VCF1: variants seen among roughly 807,000 people sequenced by gnomAD.
The protein encoded by VCF1 is protein VCF1.
At chr17:73,228,845 G>A in the VCF1 span, among the ~76,000 whole-genome samples, 2 of 152,258 alleles carry the variant, frequency 1.3e-5, no homozygotes, top group East Asian at 1.9e-4. Flanking sequence ...GAGGCCAGTC[G>A]ACACCCAAAG....
At chr17:73,208,089 C>T in the VCF1 span, 1 of 1,433,350 alleles carries the variant, frequency 7.0e-7, no homozygotes, top group Admixed American at 2.5e-5. Context: ...TACCCTTTTC[C>T]CAAGACAGTC....
At chr17:73,220,886 T>G in the VCF1 span, among the ~76,000 whole-genome samples, 13 of 148,790 alleles carry the variant, frequency 8.7e-5, no homozygotes, top group Non-Finnish European at 1.8e-4. Flanking sequence ...GCTTTTTTTT[T>G]AATTTAGATT....
the VCF1 span, among the ~76,000 whole-genome samples, chr17:73,225,307 T>C: frequency 6.6e-6 from 1 of 152,100 alleles, no homozygotes; most frequent in Non-Finnish European, 1.5e-5. Flanking sequence ...GTGAGACCAA[T>C]GCACGGATTT....
chr17:73,221,247 T>G, the VCF1 span, among the ~76,000 whole-genome samples: 1 of 151,526 alleles, frequency 6.6e-6, no homozygotes, highest in Non-Finnish European at 1.5e-5. Flanking sequence ...GATACTGCTT[T>G]TATTTACTCA....
chr17:73,212,495 A>T, the VCF1 span, among the ~76,000 whole-genome samples: 1 of 100,410 alleles, frequency 1.0e-5, no homozygotes, highest in East Asian at 3.0e-4. Context: ...GAAGTCAGAT[A>T]GCAGGATTTG....
At chr17:73,211,575 A>G in the VCF1 span, among the ~76,000 whole-genome samples, 3 of 150,140 alleles carry the variant, frequency 2.0e-5, no homozygotes, top group Non-Finnish European at 4.4e-5. Context: ...CTCAAAAAAA[A>G]AAAAGGCCAG....
At chr17:73,223,204 C>G in the VCF1 span, among the ~76,000 whole-genome samples, 1 of 152,134 alleles carries the variant, frequency 6.6e-6, no homozygotes, top group Non-Finnish European at 1.5e-5. Context: ...GTAATCCCAG[C>G]TACTCGGGAG....
chr17:73,224,732 A>C, the VCF1 span, among the ~76,000 whole-genome samples: 1 of 152,178 alleles, frequency 6.6e-6, no homozygotes, highest in Non-Finnish European at 1.5e-5. Flanking sequence ...TCCATTTTAA[A>C]AGATATTCCC....
chr17:73,232,360 A>G, the VCF1 span: 16 of 1,473,844 alleles, frequency 1.1e-5, 1 homozygote, highest in South Asian at 2.2e-4. Flanking sequence ...CACCATCCCA[A>G]CCGCACCGAC....
At chr17:73,219,191 C>CAAA in the VCF1 span, among the ~76,000 whole-genome samples, 128 of 41,012 alleles carry the variant, frequency 3.1e-3, no homozygotes, top group Middle Eastern at 0.011. Flanking sequence ...AACTCCGTCT[C>CAAA]AAAAAAAAAA....
the VCF1 span, among the ~76,000 whole-genome samples, chr17:73,225,946 G>A: frequency 7.1e-6 from 1 of 141,212 alleles, no homozygotes; most frequent in Non-Finnish European, 1.5e-5. Flanking sequence ...CTGTTGCCCA[G>A]GCTGGAGTAA....
chr17:73,232,179 C>T, the VCF1 span: 1 of 1,608,556 alleles, frequency 6.2e-7, no homozygotes, highest in East Asian at 2.2e-5. Context: ...TGTGTTTCGG[C>T]GGCCGCCACG....
At chr17:73,212,587 TA>T in the VCF1 span, 1 of 1,043,632 alleles carries the variant, frequency 9.6e-7, no homozygotes, top group Non-Finnish European at 1.4e-6. Context: ...AGGCGTCTCC[TA>T]ACCTAGTATA....
the VCF1 span, among the ~76,000 whole-genome samples, chr17:73,220,433 A>G: frequency 2.0e-5 from 3 of 152,008 alleles, no homozygotes; most frequent in Non-Finnish European, 4.4e-5. Flanking sequence ...TGTCCTAGGT[A>G]AGCCACTTCT....
chr17:73,228,199 G>A, the VCF1 span, among the ~76,000 whole-genome samples: 1 of 152,172 alleles, frequency 6.6e-6, no homozygotes, highest in East Asian at 1.9e-4. Flanking sequence ...GTTCTCCGGA[G>A]CAGCACAGGC....
the VCF1 span, among the ~76,000 whole-genome samples, chr17:73,217,073 T>C: frequency 6.6e-6 from 1 of 152,246 alleles, no homozygotes; most frequent in African/African-American, 2.4e-5. Context: ...CTCATGCCTG[T>C]AATCTCAACA....
the VCF1 span, chr17:73,212,858 G>A: frequency 1.6e-6 from 1 of 619,686 alleles, no homozygotes; most frequent in Admixed American, 3.7e-5. Context: ...AAAGGCAAAA[G>A]TTCTTTAAAC....
chr17:73,222,500 G>A, the VCF1 span, among the ~76,000 whole-genome samples: 1 of 152,278 alleles, frequency 6.6e-6, no homozygotes, highest in South Asian at 2.1e-4. Flanking sequence ...AACTAGGGCT[G>A]GGCGCGGTGG....
chr17:73,218,847 G>A, the VCF1 span, among the ~76,000 whole-genome samples: 3 of 152,112 alleles, frequency 2.0e-5, no homozygotes, highest in Non-Finnish European at 4.4e-5. Context: ...GTGAAACCCC[G>A]TCTCTACTAA....
Sources: allele counts gnomAD v4.1 joint callset (sites outside exome capture counted in the v4.1 genomes callset), GRCh38; gene constraint gnomAD v4.1.1; transcripts MANE v1.5; gene names NCBI Gene and HGNC (gene_info 2026-07-23, HGNC 2026-07-21).